Variants in SLC10A7 observed in about 807,000 individuals in gnomAD.
SLC10A7 encodes the protein sodium/bile acid cotransporter 7.
A neutral mutation model predicts 43.2 loss-of-function variants in SLC10A7; 29 were observed. That is an observed-to-expected ratio of 0.67 (90% CI 0.50 to 0.92). The LOEUF is 0.92. Among genes scored for constraint, SLC10A7 ranks in the 40% least tolerant of loss-of-function variants. SLC10A7 has a pLI of 0.00. For missense variants in SLC10A7, 295 were observed against 403.2 expected (o/e 0.73, Z 2.30); for synonymous variants, 152 against 144.8 (o/e 1.05, Z -0.35).
chr4:146,313,666 C>T (rs929115906), intron 6 of SLC10A7, among the ~76,000 whole-genome samples: 4 of 152,092 alleles, frequency 2.6e-5, no homozygotes, highest in Non-Finnish European at 4.4e-5. Flanking sequence ...TGTTTCTGTT[C>T]ATAGTGATGG....
At chr4:146,473,237 G>A (rs1379780604) in intron 4 of SLC10A7, among the ~76,000 whole-genome samples, 3 of 152,086 alleles carry the variant, frequency 2.0e-5, no homozygotes, top group Non-Finnish European at 2.9e-5. Flanking sequence ...AATCAAAAAA[G>A]ACATGTCAAA....
chr4:146,424,016 A>C (rs1007072315), intron 5 of SLC10A7, among the ~76,000 whole-genome samples: 1 of 152,196 alleles, frequency 6.6e-6, no homozygotes, highest in African/African-American at 2.4e-5. Flanking sequence ...GATTTTTTAA[A>C]AATGTTATAG....
chr4:146,345,235 T>C (rs889178535), intron 5 of SLC10A7, among the ~76,000 whole-genome samples: 8 of 152,100 alleles, frequency 5.3e-5, no homozygotes, highest in African/African-American at 1.7e-4. Context: ...AAGAGTGCAA[T>C]GGCAAATGCT....
rs982941748 is a variant in SLC10A7 at position 146,321,916 on chromosome 4, G to A, written c.471+4045C>T. Among the ~76,000 whole-genome samples the A allele has an allele frequency of 5.9e-5, 9 of 152,196 alleles. No individual in the cohort carries two copies. In the South Asian group the frequency reaches 6.2e-4, roughly 11 times the overall value. On this transcript the variant is annotated intron_variant, in intron 6 of 11. Transcript: ENST00000335472. ...TAAACAGAGAAAAAGTGTTATATGC[G>A]ATGCATATGATGTAAAGTCAAAATA...
chr4:146,383,111 T>C (rs1370900037), intron 5 of SLC10A7, among the ~76,000 whole-genome samples: 1 of 152,156 alleles, frequency 6.6e-6, no homozygotes, highest in Admixed American at 6.5e-5. Flanking sequence ...AAGTAAGCAT[T>C]TTTATTGTTA....
At chr4:146,488,356 A>C (rs1319242317) in intron 4 of SLC10A7, among the ~76,000 whole-genome samples, 3 of 152,186 alleles carry the variant, frequency 2.0e-5, no homozygotes, top group Non-Finnish European at 4.4e-5. Flanking sequence ...ATTTTAAATA[A>C]GGGAAAGAAA....
At chr4:146,472,437 T>G (rs947593217) in intron 4 of SLC10A7, among the ~76,000 whole-genome samples, 1 of 7,586 alleles carries the variant, frequency 1.3e-4, no homozygotes, top group Admixed American at 1.8e-3. Context: ...GCTTATTCTG[T>G]TTTTTTTTTT....
chr4:146,322,738 G>T (rs1732812612), intron 6 of SLC10A7, among the ~76,000 whole-genome samples: 1 of 152,200 alleles, frequency 6.6e-6, no homozygotes, highest in South Asian at 2.1e-4. Context: ...TATATACCCA[G>T]TAATGGGATG....
intron 5 of SLC10A7, among the ~76,000 whole-genome samples, chr4:146,429,943 T>C (rs1436733286): frequency 1.3e-5 from 2 of 151,962 alleles, no homozygotes. Context: ...TCTATAACCA[T>C]ATGCAAAGTA....
At chr4:146,505,287 T>C (rs1002197247) in intron 3 of SLC10A7, among the ~76,000 whole-genome samples, 2 of 152,238 alleles carry the variant, frequency 1.3e-5, no homozygotes. Flanking sequence ...TTCCACTTAA[T>C]GAATAGTAAA....
At chr4:146,455,585 C>G (rs1475314392) in intron 4 of SLC10A7, among the ~76,000 whole-genome samples, 5 of 151,890 alleles carry the variant, frequency 3.3e-5, no homozygotes, top group Admixed American at 2.0e-4. Flanking sequence ...AGCAATAACT[C>G]TCTCATCAGC....
intron 4 of SLC10A7, among the ~76,000 whole-genome samples, chr4:146,486,354 C>T (rs537665343): frequency 3.0e-4 from 46 of 152,240 alleles, no homozygotes; most frequent in African/African-American, 1.1e-3. Flanking sequence ...TTGTGATTTA[C>T]AAAACATGTT....
At chr4:146,399,309 A>C (rs1739055725) in intron 5 of SLC10A7, among the ~76,000 whole-genome samples, 1 of 152,188 alleles carries the variant, frequency 6.6e-6, no homozygotes, top group East Asian at 1.9e-4. Flanking sequence ...GCTAGATAAC[A>C]GGGCTTACTG....
chr4:146,460,730 T>C (rs1361772621), intron 4 of SLC10A7, among the ~76,000 whole-genome samples: 1 of 151,932 alleles, frequency 6.6e-6, no homozygotes, highest in Non-Finnish European at 1.5e-5. Flanking sequence ...TTTTAAATCT[T>C]GATTGTAGTA....
At chr4:146,371,060 T>C (rs1736740599) in intron 5 of SLC10A7, among the ~76,000 whole-genome samples, 1 of 152,198 alleles carries the variant, frequency 6.6e-6, no homozygotes, top group African/African-American at 2.4e-5. Context: ...TACAGCACTT[T>C]TTCTAGAACT....
At chr4:146,391,660 A>G (rs371461697) in intron 5 of SLC10A7, among the ~76,000 whole-genome samples, 1 of 152,170 alleles carries the variant, frequency 6.6e-6, no homozygotes, top group Non-Finnish European at 1.5e-5. Flanking sequence ...CATCTTCTCT[A>G]AAGTCCCCAT....
chr4:146,356,706 T>A (rs186104822), intron 5 of SLC10A7, among the ~76,000 whole-genome samples: 1 of 152,252 alleles, frequency 6.6e-6, no homozygotes, highest in Admixed American at 6.5e-5. Flanking sequence ...TTCTCTTACC[T>A]CTATCCCCCA....
chr4:146,257,348 G>A (rs1727946515), intron 11 of SLC10A7, among the ~76,000 whole-genome samples: 1 of 152,178 alleles, frequency 6.6e-6, no homozygotes, highest in African/African-American at 2.4e-5. Context: ...TTAAATAACT[G>A]AATTAGTGAA....
intron 5 of SLC10A7, among the ~76,000 whole-genome samples, chr4:146,391,651 A>G (rs75139761): frequency 0.014 from 2,183 of 152,318 alleles, 52 homozygotes; most frequent in African/African-American, 0.048. Flanking sequence ...AGGTCAATAC[A>G]TCTTCTCTAA....
Sources: gnomAD v4.1 joint callset for allele counts (sites outside exome capture counted in the v4.1 genomes callset) on GRCh38, gnomAD v4.1.1 for gene constraint, MANE v1.5 for transcripts, NCBI Gene and HGNC (gene_info 2026-07-23, HGNC 2026-07-21) for gene names.